The following NBPF11 variants were observed in gnomAD, a reference collection of about 807,000 sequenced individuals.
NBPF11 encodes NBPF member 11, also known as NBPF family member NBPF11.
Under a neutral mutation model 93.9 loss-of-function variants are expected in NBPF11, and 72 were observed. The ratio of observed to expected loss-of-function variants is 0.77; its 90% CI spans 0.63 to 0.93. The LOEUF (loss-of-function observed/expected upper bound fraction) is 0.93, where lower values mean the gene tolerates loss of function less well. Among genes scored for constraint, NBPF11 ranks in the 40% least tolerant of loss-of-function variants. The pLI is 0.00. For missense variants in NBPF11, 705 were observed against 802.2 expected (o/e 0.88, Z 1.46); for synonymous variants, 224 against 304.9 (o/e 0.73, Z 2.76).
rs1225363037 is a variant in NBPF11, at chr1:148,106,453, C to T, written c.2252-221G>A. ...TCCCTATTCTGGTAGATCGTTATCC[C>T]AAAATCATTTATCCCAAGTTTGTGC... On this transcript the variant is annotated intron_variant, in intron 20 of 23. Coordinates refer to ENST00000682118, the MANE Select transcript of NBPF11 (RefSeq NM_001385469.3). 2.1e-5 allele frequency among the ~76,000 whole-genome samples: 3 copies of T among 144,610 alleles called. 1 individual carries two copies. Among genetic ancestry groups the T allele is most frequent in the African/African-American group, 5.4e-5 (2 of 36,904 alleles). The allele number at this position is 144,610 out of a possible 152,430, so 94.9% of individuals were successfully genotyped here.
At position 148,111,190 on chromosome 1, in the gene NBPF11, G is replaced by A. The variant is rs1205674997; in HGVS notation, c.1638-649C>T. Among the ~76,000 whole-genome samples, 238 of 151,864 alleles carry A rather than the reference G, an allele frequency of 1.6e-3. 1 individual carries two copies. The South Asian group carries it at 0.019, about 12-fold the overall frequency. On this transcript the variant is annotated intron_variant, in intron 15 of 23. Coordinates refer to ENST00000682118, the MANE Select transcript of NBPF11 (RefSeq NM_001385469.3). ...CTGTTAGAAGGAAAACTAACACACA[G>A]AAAGGGATAGCATCAACATCAACAA... is the stretch of plus-strand genomic sequence containing the variant.
At chr1:148,139,225 G>A (rs1300045689) in intron 2 of NBPF11, among the ~76,000 whole-genome samples, 26 of 150,538 alleles carry the variant, frequency 1.7e-4, no homozygotes, top group Admixed American at 1.3e-4. Flanking sequence ...GACAAGGTTT[G>A]GTAACAAATA....
intron 5 of NBPF11, among the ~76,000 whole-genome samples, chr1:148,126,243 C>A (rs1350364771): frequency 6.6e-6 from 1 of 152,098 alleles, no homozygotes; most frequent in South Asian, 2.1e-4. Context: ...TCGTCCTCTG[C>A]CCGCCTCAGC....
intron 5 of NBPF11, among the ~76,000 whole-genome samples, chr1:148,126,025 G>A (rs1406522043): frequency 6.6e-5 from 10 of 151,566 alleles, no homozygotes; most frequent in South Asian, 2.1e-4. Flanking sequence ...GTTTTTTGAC[G>A]AGTCTTGCCC....
chr1:148,119,556 G>T (rs111239941), intron 10 of NBPF11, among the ~76,000 whole-genome samples: 11 of 151,412 alleles, frequency 7.3e-5, no homozygotes, highest in South Asian at 2.1e-4. Flanking sequence ...ACACATTCTC[G>T]GGTGCGATCT....
intron 2 of NBPF11, among the ~76,000 whole-genome samples, chr1:148,140,421 G>A (rs1469165672): frequency 6.6e-5 from 10 of 151,072 alleles, no homozygotes; most frequent in African/African-American, 1.7e-4. Flanking sequence ...AAATTAAGTT[G>A]AGCCTCATTA....
chr1:148,114,322 T>G, intron 15 of NBPF11, 115 bp downstream of exon 15: 1 of 698,550 alleles, frequency 1.4e-6, no homozygotes, highest in Admixed American at 2.0e-5. Context: ...ATCAGCACAA[T>G]TTGTAGCTGG....
intron 1 of NBPF11, among the ~76,000 whole-genome samples, chr1:148,146,146 C>T (rs1553276777): frequency 0.13 from 19,991 of 151,520 alleles, 1,525 homozygotes; most frequent in East Asian, 0.28. Flanking sequence ...CCCGGGGGCG[C>T]GGGCCGGGGT....
chr1:148,149,876 T>C (rs1348394299), intron 1 of NBPF11, among the ~76,000 whole-genome samples: 10 of 149,802 alleles, frequency 6.7e-5, no homozygotes, highest in African/African-American at 2.5e-4. Flanking sequence ...ACCAGGAAAA[T>C]GGAAGTTGAA....
At chr1:148,145,838 C>T (rs1553276719) in intron 1 of NBPF11, among the ~76,000 whole-genome samples, 1 of 151,234 alleles carries the variant, frequency 6.6e-6, no homozygotes, top group African/African-American at 2.4e-5. Context: ...TGTGATTGTA[C>T]CACTGCACTC....
At chr1:148,121,029 A>G (rs1278487196) in intron 9 of NBPF11, among the ~76,000 whole-genome samples, 1 of 151,720 alleles carries the variant, frequency 6.6e-6, no homozygotes. Context: ...TGCTTTTTAA[A>G]TTTTTTCCTT....
chr1:148,121,725 G>T (rs1306482740), intron 9 of NBPF11, among the ~76,000 whole-genome samples: 3 of 151,982 alleles, frequency 2.0e-5, no homozygotes, highest in Admixed American at 2.0e-4. Flanking sequence ...GTGAATGAGG[G>T]TGGGAGGATC....
chr1:148,120,317 A>G (rs1220144042), intron 10 of NBPF11, among the ~76,000 whole-genome samples, 184 bp downstream of exon 10: 2 of 151,880 alleles, frequency 1.3e-5, no homozygotes, highest in African/African-American at 4.8e-5. Context: ...GCAAACATGG[A>G]AAGTTGCTAA....
intron 4 of NBPF11, among the ~76,000 whole-genome samples, 173 bp downstream of exon 4, chr1:148,135,498 TC>T (rs1356009010): frequency 1.2e-4 from 18 of 150,946 alleles, no homozygotes; most frequent in Admixed American, 3.3e-4. Context: ...AAAATTATTA[TC>T]TAAAGAATGT....
At chr1:148,140,203 G>A (rs1372047398) in intron 2 of NBPF11, among the ~76,000 whole-genome samples, 1 of 151,982 alleles carries the variant, frequency 6.6e-6, no homozygotes, top group Non-Finnish European at 1.5e-5. Context: ...CCAACTAGTG[G>A]TGCTAGAACA....
intron 1 of NBPF11, among the ~76,000 whole-genome samples, chr1:148,147,806 A>G (rs1217329076): frequency 0.063 from 9,597 of 151,954 alleles, 453 homozygotes; most frequent in Admixed American, 0.13. Context: ...GCTGACACCA[A>G]TCACCACTTC....
intron 13 of NBPF11, 120 bp from the exon 14 acceptor site, chr1:148,116,118 A>T: frequency 1.0e-6 from 1 of 965,494 alleles, no homozygotes; most frequent in Non-Finnish European, 1.6e-6. Flanking sequence ...AGCAAAATGG[A>T]CGTTCCCATT....
intron 22 of NBPF11, among the ~76,000 whole-genome samples, chr1:148,104,965 CTG>C (rs1663172525): frequency 7.4e-6 from 1 of 135,476 alleles, no homozygotes; most frequent in African/African-American, 3.1e-5. Flanking sequence ...AGGAGAAAAA[CTG>C]CAATATTTAG....
chr1:148,145,894 T>C (rs1265295726), intron 1 of NBPF11, among the ~76,000 whole-genome samples: 1 of 151,202 alleles, frequency 6.6e-6, no homozygotes, highest in Non-Finnish European at 1.5e-5. Flanking sequence ...AGAAAAAAAA[T>C]TAGAGAATCT....
Sources: allele counts gnomAD v4.1 joint callset (sites outside exome capture counted in the v4.1 genomes callset), GRCh38; gene constraint gnomAD v4.1.1; transcripts MANE v1.5; gene names NCBI Gene and HGNC (gene_info 2026-07-23, HGNC 2026-07-21).